The following CD109 variants were observed in gnomAD, a reference collection of about 807,000 sequenced individuals.
CD109 encodes CD109 molecule.
In CD109, 149 loss-of-function variants were observed where a neutral mutation model predicts 165.8. The observed-to-expected ratio is 0.90, with a 90% CI of 0.79 to 1.03. The LOEUF (loss-of-function observed/expected upper bound fraction) is 1.03, where lower values mean the gene tolerates loss of function less well. Among genes scored for constraint, CD109 ranks in the 50% least tolerant of loss-of-function variants. The pLI is 0.00. For synonymous variants in CD109, 585 were observed against 592.1 expected (o/e 0.99, Z 0.18); for missense variants, 1,712 against 1,677.8 (o/e 1.02, Z -0.36).
intron 15 of CD109, among the ~76,000 whole-genome samples, chr6:73,780,189 G>T (rs1404924620): frequency 6.6e-6 from 1 of 152,110 alleles, no homozygotes; most frequent in Non-Finnish European, 1.5e-5. Context: ...CAGAACTCAA[G>T]TCCAGACTTC....
intron 13 of CD109, among the ~76,000 whole-genome samples, chr6:73,767,581 T>C (rs1773897429): frequency 1.3e-5 from 2 of 152,096 alleles, no homozygotes; most frequent in African/African-American, 2.4e-5. Flanking sequence ...TGCAATCAAA[T>C]AAAAAACCTT....
chr6:73,718,421 C>T (rs1771823921), intron 2 of CD109, among the ~76,000 whole-genome samples: 1 of 151,598 alleles, frequency 6.6e-6, no homozygotes, highest in East Asian at 1.9e-4. Context: ...GAGGTGTGTT[C>T]CTTCTATATG....
chr6:73,800,241 C>T (rs183893066), intron 23 of CD109, among the ~76,000 whole-genome samples: 1 of 152,238 alleles, frequency 6.6e-6, no homozygotes, highest in African/African-American at 2.4e-5. Flanking sequence ...AACAGTGTAT[C>T]CAGGAAATTA....
In CD109 at chr6:73,788,585, A is replaced by G; in HGVS notation, c.2674A>G (p.Ser892Gly). The G allele has an allele frequency of 6.2e-7, 1 of 1,613,412 alleles. No individual in the cohort carries two copies. Among genetic ancestry groups the G allele is most frequent in the Non-Finnish European group, 8.5e-7 (1 of 1,179,762 alleles). Residue 892 changes from serine to glycine, a missense_variant, in exon 22 of 33, where the codon AGT becomes GGT. Coordinates refer to ENST00000287097, the MANE Select transcript of CD109 (RefSeq NM_133493.5). ...ATTTCCTCCTAATACAGTGACTGGC[A>G]GTGAAAGAGTTCAGATCACTGCAAT... ...FSFPPNTVTG[S>G]ERVQITAIGD...
chr6:73,744,370 G>T (rs9343071), intron 5 of CD109, among the ~76,000 whole-genome samples: 5,884 of 152,134 alleles, frequency 0.039, 448 homozygotes, highest in East Asian at 0.29. Flanking sequence ...GATGTTCTTT[G>T]ACTTCTAGTC....
At chr6:73,696,002 G>C, upstream of CD109, 1 of 537,068 alleles carries the variant, frequency 1.9e-6, no homozygotes, top group Non-Finnish European at 3.3e-6. Context: ...TGCCACAGCA[G>C]CGAGAAGCGC....
intron 22 of CD109, among the ~76,000 whole-genome samples, chr6:73,791,615 C>T (rs1358013479): frequency 6.6e-6 from 1 of 152,078 alleles, no homozygotes; most frequent in African/African-American, 2.4e-5. Flanking sequence ...AACGGATTTT[C>T]AAGTTTTATT....
At chr6:73,690,494 C>T in the CD109 span, among the ~76,000 whole-genome samples, 2 of 151,612 alleles carry the variant, frequency 1.3e-5, no homozygotes, top group Non-Finnish European at 2.9e-5. Context: ...CTCCGCCTCC[C>T]AGGTTCAAGA....
intron 20 of CD109, among the ~76,000 whole-genome samples, chr6:73,785,957 G>A (rs981040275): frequency 6.6e-6 from 1 of 151,240 alleles, no homozygotes; most frequent in Non-Finnish European, 1.5e-5. Flanking sequence ...TGATTCTCCT[G>A]CCTCAGCCTC....
At chr6:73,761,182 CTA>C (rs1773616305) in intron 7 of CD109, among the ~76,000 whole-genome samples, 1 of 152,094 alleles carries the variant, frequency 6.6e-6, no homozygotes. Flanking sequence ...GCTTCAGAAT[CTA>C]TGGTGTAATA....
chr6:73,820,863 C>T (rs1367206177), intron 32 of CD109, among the ~76,000 whole-genome samples: 1 of 152,064 alleles, frequency 6.6e-6, no homozygotes, highest in Admixed American at 6.6e-5. Context: ...ATATAGAGTC[C>T]AGTTATGTCT....
intron 13 of CD109, among the ~76,000 whole-genome samples, chr6:73,767,627 A>G (rs1773898640): frequency 6.6e-6 from 1 of 152,230 alleles, no homozygotes; most frequent in Non-Finnish European, 1.5e-5. Flanking sequence ...TTTCCAATTT[A>G]AAATAGATAA....
intron 2 of CD109, among the ~76,000 whole-genome samples, chr6:73,712,255 TG>T (rs1036892786): frequency 9.2e-5 from 14 of 152,168 alleles, no homozygotes; most frequent in Non-Finnish European, 1.5e-4. Context: ...CATGAATTTG[TG>T]GGGGGAAAAC....
In CD109 at chr6:73,792,588, A is replaced by T. The variant is rs1230150919; in HGVS notation, c.2702-38A>T. 3 of 1,596,224 alleles carry T rather than the reference A, an allele frequency of 1.9e-6. No individual in the cohort carries two copies. In the African/African-American group the frequency reaches 4.0e-5, roughly 21 times the overall value. ...TGCCACCAGCAGGTCGTTGTTACTG[A>T]GTATTTACTGAATGAACTGCATGTC... On this transcript the variant is annotated intron_variant, in intron 22 of 32. Transcript: ENST00000287097.
chr6:73,718,846 T>C (rs920324962), intron 2 of CD109, among the ~76,000 whole-genome samples: 16 of 152,172 alleles, frequency 1.1e-4, no homozygotes, highest in Non-Finnish European at 2.1e-4. Context: ...TTCATATAAC[T>C]AAAAAATTGT....
chr6:73,701,730 C>T (rs1172186668), intron 2 of CD109, among the ~76,000 whole-genome samples: 1 of 152,090 alleles, frequency 6.6e-6, no homozygotes, highest in Admixed American at 6.6e-5. Context: ...AAGAATATAA[C>T]CTTTCTCCCT....
intron 2 of CD109, among the ~76,000 whole-genome samples, chr6:73,721,974 G>C (rs1033836325): frequency 1.5e-4 from 23 of 152,166 alleles, no homozygotes; most frequent in African/African-American, 5.3e-4. Flanking sequence ...GACTTCAGGT[G>C]TTCTGTCTGC....
At chr6:73,697,692 C>G (rs575330965) in intron 2 of CD109, 120 bp downstream of exon 2, 11 of 722,204 alleles carry the variant, frequency 1.5e-5, no homozygotes, top group African/African-American at 1.2e-4. Context: ...ACCTAATATA[C>G]TTTTAATTCT....
At position 73,735,648 on chromosome 6, in the gene CD109, T is replaced by A. The variant is rs1772513931; in HGVS notation, c.508-735T>A. Among the ~76,000 whole-genome samples, 2 of 152,200 alleles carry A rather than the reference T, an allele frequency of 1.3e-5. 1 individual carries two copies. The highest frequency in any genetic ancestry group is 4.1e-4 in the South Asian group (2 of 4,834). ...ATGAAGTGTTTTCCATGTATATCCG[T>A]GATTAAACATCTCTCTAATATGCTT... On this transcript the variant is annotated intron_variant, in intron 4 of 32. Coordinates refer to ENST00000287097, the MANE Select transcript of CD109 (RefSeq NM_133493.5).
Sources: allele counts gnomAD v4.1 joint callset (sites outside exome capture counted in the v4.1 genomes callset), GRCh38; gene constraint gnomAD v4.1.1; transcripts MANE v1.5; gene names NCBI Gene and HGNC (gene_info 2026-07-23, HGNC 2026-07-21).